The following FBXO24 variants were observed in gnomAD, a reference collection of about 807,000 sequenced individuals.
FBXO24 encodes the protein F-box only protein 24.
Under a neutral mutation model 63.5 loss-of-function variants are expected in FBXO24, and 30 were observed. That is an observed-to-expected ratio of 0.47 (90% CI 0.35 to 0.64). FBXO24 has a LOEUF of 0.64. FBXO24 is among the 30% of genes least tolerant of loss of function. The pLI is 0.00. For missense variants in FBXO24, 624 were observed against 763.4 expected, an observed-to-expected ratio of 0.82 and a Z score of 2.15; for synonymous variants, 300 against 305.0, an observed-to-expected ratio of 0.98 and a Z score of 0.17.
chr7:100,593,975 T>C (rs1203476352), intron 5 of FBXO24, among the ~76,000 whole-genome samples: 1 of 152,012 alleles, frequency 6.6e-6, no homozygotes, highest in Non-Finnish European at 1.5e-5. Flanking sequence ...AAGGTAGAGA[T>C]GGGGTCTTGC....
intron 4 of FBXO24, chr7:100,592,269 A>G: frequency 3.9e-6 from 1 of 257,972 alleles, no homozygotes; most frequent in South Asian, 4.5e-5. Context: ...CGAAAAAAAA[A>G]GACATACCTG....
chr7:100,590,674 C>CT (rs548409794), intron 3 of FBXO24, among the ~76,000 whole-genome samples: 9 of 152,334 alleles, frequency 5.9e-5, no homozygotes, highest in Middle Eastern at 3.4e-3. Flanking sequence ...TCTGAACTCA[C>CT]TGTTGATATT....
In FBXO24 at chr7:100,595,643, A is replaced by C; in HGVS notation, c.1143A>C (p.Gln381His). The change falls in exon 8 of 10, where the codon CAA (glutamine) becomes CAC (histidine). Residue 381 changes from glutamine (Q) to histidine (H), a missense_variant. Coordinates refer to ENST00000241071, the MANE Select transcript of FBXO24 (RefSeq NM_033506.3). ...ATGAATTTGGCCGAATCTTCATGCA[A>C]GGAAATAACAGATACGGGCAGCTAG... ...LVDEFGRIFM[Q>H]GNNRYGQLGT... The C allele has an allele frequency of 1.2e-6, 2 of 1,613,634 alleles. No individual in the cohort carries two copies. The highest frequency in any genetic ancestry group is 2.2e-5 in the South Asian group (2 of 91,050).
rs184845261 is a variant in FBXO24, at chr7:100,594,913, C to A, written c.953-189C>A. ...GCAGTGAACTGAGATCGTGCCACTT[C>A]GCTCCAGCCTGGGTGACCGAGGGAG... On this transcript the variant is annotated intron_variant, in intron 6 of 9. Transcript: ENST00000241071. This position sits in a 1 kb window ranked among gnomAD's most constrained non-coding sequence, Gnocchi z 4.2. 1.3e-5 allele frequency among the ~76,000 whole-genome samples: 2 copies of A among 152,124 alleles called. No homozygotes were observed. Among genetic ancestry groups the A allele is most frequent in the Non-Finnish European group, 2.9e-5 (2 of 68,012 alleles).
Position 100,600,863 on chromosome 7 carries a change from C to T in FBXO24, c.1707C>T (p.Gly569=), listed in dbSNP as rs759770566. ...ALDMLQRAEG[G]GGGVGPPAPE... ...ACATGCTGCAGAGGGCTGAAGGAGG[C>T]GGGGGTGGTGTAGGGCCCCCAGCCC... Residue 569 remains glycine, a synonymous_variant, in exon 10 of 10, where the codon GGC becomes GGT. Transcript: ENST00000241071. This position sits in a 1 kb window ranked among gnomAD's most constrained non-coding sequence, Gnocchi z 6.3. 30 of 1,613,618 alleles carry T rather than the reference C, an allele frequency of 1.9e-5. No individual in the cohort carries two copies. Among genetic ancestry groups the T allele is most frequent in the East Asian group, 6.7e-5 (3 of 44,892 alleles).
In FBXO24 at chr7:100,600,340, C is replaced by T. The variant is rs566572238; in HGVS notation, c.1377+139C>T. 22 of 1,353,368 alleles carry T rather than the reference C, an allele frequency of 1.6e-5. No homozygotes were observed. The African/African-American group carries it at 1.8e-4, about 11-fold the overall frequency. 83.8% of individuals were successfully genotyped at this position (1,353,368 alleles called of 1,614,324 possible). ...GCACCACCCCACCTCCCTCCTCTGCCGCACACCACGCTCTCTGCTTTCTCC... is the reference window on the plus strand; with the variant it reads ...GCACCACCCCACCTCCCTCCTCTGCTGCACACCACGCTCTCTGCTTTCTCC... On this transcript the variant is annotated intron_variant, in intron 9 of 9. Transcript: ENST00000241071. The surrounding 1 kb of genome is among the most constrained non-coding windows in gnomAD (Gnocchi z 6.3).
At position 100,600,019 on chromosome 7, in the gene FBXO24, G is replaced by T; in HGVS notation, c.1207-12G>T. 1 of 1,515,424 alleles carries T rather than the reference G, an allele frequency of 6.6e-7. No homozygotes were observed. Among genetic ancestry groups the T allele is most frequent in the Non-Finnish European group, 8.9e-7 (1 of 1,120,984 alleles). 93.9% of individuals were successfully genotyped at this position (1,515,424 alleles called of 1,614,324 possible). ...TGCTCCCTGCTCAGGGACCCTGGCC[G>T]TGTGTCCCCAGGTTTGTTACCTGCA... On this transcript the variant is annotated splice_polypyrimidine_tract_variant and intron_variant, in intron 8 of 9. Transcript: ENST00000241071. The surrounding 1 kb of genome is among the most constrained non-coding windows in gnomAD (Gnocchi z 6.3).
intron 7 of FBXO24, 70 bp downstream of exon 7, chr7:100,595,293 T>C: frequency 1.9e-6 from 3 of 1,606,496 alleles, no homozygotes; most frequent in East Asian, 2.2e-5. Flanking sequence ...TGAAGTATTA[T>C]AGGAATCAGA....
At chr7:100,592,474 G>A (rs953549164) in intron 4 of FBXO24, among the ~76,000 whole-genome samples, 3 of 152,122 alleles carry the variant, frequency 2.0e-5, no homozygotes, top group African/African-American at 7.2e-5. Flanking sequence ...CCACTATCAC[G>A]AAAACAACAT....
chr7:100,591,717 A>C lies in FBXO24; in HGVS notation c.373A>C (p.Ser125Arg), dbSNP rs1258707455. ...QAFGGRRRCL[S>R]KSVAPLLAHG... Reference sequence around the variant, plus strand: ...ATTTGGAGGCCGCCGCCGATGTCTCAGCAAGAGCGTGGCCCCCTTGCTAGC... The same window carrying C: ...ATTTGGAGGCCGCCGCCGATGTCTCCGCAAGAGCGTGGCCCCCTTGCTAGC... The change falls in exon 4 of 10, where the codon AGC (serine) becomes CGC (arginine). Residue 125 changes from serine (S) to arginine (R), a missense_variant. By Grantham distance (110) the Ser-to-Arg change is moderately radical. Coordinates refer to ENST00000241071, the MANE Select transcript of FBXO24 (RefSeq NM_033506.3). 2 of 1,614,246 alleles carry C rather than the reference A, an allele frequency of 1.2e-6. No individual in the cohort carries two copies. Among genetic ancestry groups the C allele is most frequent in the South Asian group, 2.2e-5 (2 of 91,090 alleles).
chr7:100,599,913 C>T (rs1677039937), intron 8 of FBXO24, 118 bp from the exon 9 acceptor site: 1 of 1,174,994 alleles, frequency 8.5e-7, no homozygotes, highest in African/African-American at 1.5e-5. Flanking sequence ...ACAGTGCTGG[C>T]TCCCATTTCC....
rs1347059407 is a variant in FBXO24, at chr7:100,597,583, G to A, written c.1206+1877G>A. Among the ~76,000 whole-genome samples, 4 of 151,956 alleles carry A rather than the reference G, an allele frequency of 2.6e-5. 1 individual carries two copies. The highest frequency in any genetic ancestry group is 2.0e-4 in the Admixed American group (3 of 15,232). Reference sequence around the variant, plus strand: ...TAATTTTTGTATTTTTAGTAGAGACGGAGTTTTACCATGTTGGCCAGGCTG... The same window carrying A: ...TAATTTTTGTATTTTTAGTAGAGACAGAGTTTTACCATGTTGGCCAGGCTG... On this transcript the variant is annotated intron_variant, in intron 8 of 9. Coordinates refer to ENST00000241071, the MANE Select transcript of FBXO24 (RefSeq NM_033506.3).
rs532923185 is a variant in FBXO24, at chr7:100,592,509, A to G, written c.559-274A>G. ...TGGGGGAAATTGCCCCCGTGAGCCA[A>G]TCACCTCCCACTGGGTATTACAATT... On this transcript the variant is annotated intron_variant, in intron 4 of 9. Coordinates refer to ENST00000241071, the MANE Select transcript of FBXO24 (RefSeq NM_033506.3). 6.6e-5 allele frequency among the ~76,000 whole-genome samples: 10 copies of G among 152,166 alleles called. No individual in the cohort carries two copies. The East Asian group carries it at 1.2e-3, about 18-fold the overall frequency.
In FBXO24 at chr7:100,591,824, T is replaced by C; in HGVS notation, c.480T>C (p.Asn160=). ...TGGGGACCCTCTTCTTCCTCAAAAA[T>C]GCCCTGGTCTCCACCCTCGGCCAGA... ...DYVGTLFFLK[N]ALVSTLGQMQ... The change falls in exon 4 of 10, where the codon AAT becomes AAC. Residue 160 remains asparagine (N), a synonymous_variant. Transcript: ENST00000241071. The C allele has an allele frequency of 6.2e-7, 1 of 1,614,214 alleles. No homozygotes were observed. The highest frequency in any genetic ancestry group is 8.5e-7 in the Non-Finnish European group (1 of 1,180,026).
chr7:100,598,568 A>G (rs1240737332), intron 8 of FBXO24, among the ~76,000 whole-genome samples: 5 of 152,208 alleles, frequency 3.3e-5, no homozygotes, highest in African/African-American at 7.2e-5. Context: ...CAGATTGGTC[A>G]TGTAACCAAC....
chr7:100,589,891 A>C (rs1187116398), intron 1 of FBXO24, 86 bp from the exon 2 acceptor site: 1 of 1,559,872 alleles, frequency 6.4e-7, no homozygotes, highest in African/African-American at 1.4e-5. Context: ...GCCCAGCTAG[A>C]GTCAGATGAG....
intron 8 of FBXO24, among the ~76,000 whole-genome samples, chr7:100,596,767 G>A (rs1802327412): frequency 6.6e-6 from 1 of 152,162 alleles, no homozygotes; most frequent in Admixed American, 6.5e-5. Flanking sequence ...GGCTCTGGAA[G>A]AAAGATATCT....
rs776475004 is a variant in FBXO24, at chr7:100,591,872, C to T, written c.528C>T (p.Arg176=). The change falls in exon 4 of 10, where the codon CGC becomes CGT. Residue 176 remains arginine, a synonymous_variant. Transcript: ENST00000241071. ...AGATGCAGTGGAAGCGGGCCTGTCG[C>T]TATGTTGTGTTGTGTCGTGGAGCCA... The part of the protein sequence containing the change: ...LGQMQWKRAC[R]YVVLCRGAKD... 6.2e-7 allele frequency: 1 copy of T among 1,614,098 alleles called. No individual in the cohort carries two copies. The highest frequency in any genetic ancestry group is 8.5e-7 in the Non-Finnish European group (1 of 1,180,042).
At position 100,586,532 on chromosome 7, in the gene FBXO24, T is replaced by A; in HGVS notation, c.-94T>A. 1 of 1,325,128 alleles carries A rather than the reference T, an allele frequency of 7.5e-7. No homozygotes were observed. Among genetic ancestry groups the A allele is most frequent in the Admixed American group, 1.7e-5 (1 of 57,322 alleles). 82.1% of individuals were successfully genotyped at this position (1,325,128 alleles called of 1,614,324 possible). A position where few individuals can be genotyped will look rare whatever the true frequency, so the allele number is the denominator to read the frequency against. ...CCCCAAAGACCAATCGTAAGCCAGATACAGGCGAGTGACTGTCAAGAAGGC... is the reference window on the plus strand; with the variant it reads ...CCCCAAAGACCAATCGTAAGCCAGAAACAGGCGAGTGACTGTCAAGAAGGC... On this transcript the variant is annotated 5_prime_UTR_variant, in exon 1 of 10. Transcript: ENST00000241071.
Sources: allele counts gnomAD v4.1 joint callset (sites outside exome capture counted in the v4.1 genomes callset), GRCh38; gene constraint gnomAD v4.1.1; non-coding constraint Gnocchi (gnomAD v3.1); transcripts MANE v1.5; gene names NCBI Gene and HGNC (gene_info 2026-07-23, HGNC 2026-07-21).